CAPN14: variants seen among roughly 807,000 people sequenced by gnomAD.
CAPN14 encodes calpain 14, also known as calpain-14.
CAPN14 carries 94 observed loss-of-function variants against 101.3 expected under a neutral mutation model. The ratio of observed to expected loss-of-function variants is 0.93; its 90% CI spans 0.79 to 1.10. The LOEUF (loss-of-function observed/expected upper bound fraction) is 1.10. Ranked by LOEUF, CAPN14 falls within the 50% of genes least tolerant of loss-of-function variation. The pLI is 0.00. For synonymous variants in CAPN14, 338 were observed against 317.9 expected (o/e 1.06, Z -0.67); for missense variants, 837 against 828.4 (o/e 1.01, Z -0.13).
intron 1 of CAPN14, among the ~76,000 whole-genome samples, chr2:31,231,976 A>G (rs1683207311): frequency 6.6e-6 from 1 of 152,170 alleles, no homozygotes; most frequent in Non-Finnish European, 1.5e-5. Flanking sequence ...TATTAATCTG[A>G]GTGAATTCTC....
Position 31,177,016 on chromosome 2 carries a change from G to T in CAPN14, c.1972+10C>A, listed in dbSNP as rs748750407. 3.2e-6 allele frequency: 5 copies of T among 1,542,302 alleles called. No homozygotes were observed. Among genetic ancestry groups the T allele is most frequent in the Admixed American group, 2.0e-5 (1 of 50,924 alleles). Reference sequence around the variant, plus strand: ...AAGACCTGGCCCTCCCCAGCTTCCCGCCAGCTTACCCTCCATGTTCTCTAC... The same window carrying T: ...AAGACCTGGCCCTCCCCAGCTTCCCTCCAGCTTACCCTCCATGTTCTCTAC... On this transcript the variant is annotated intron_variant, in intron 20 of 21. Transcript: ENST00000403897.
intron 8 of CAPN14, among the ~76,000 whole-genome samples, chr2:31,196,073 G>T (rs1558622641): frequency 6.6e-6 from 1 of 152,222 alleles, no homozygotes; most frequent in Middle Eastern, 3.4e-3. Flanking sequence ...ACATAAAAAG[G>T]GGAGAAATGG....
chr2:31,228,024 G>A (rs547673315), intron 1 of CAPN14, among the ~76,000 whole-genome samples: 48 of 152,322 alleles, frequency 3.2e-4, no homozygotes, highest in African/African-American at 1.1e-3. Context: ...GGAAGACTGA[G>A]GCTGAAGACA....
chr2:31,204,847 A>C (rs1681987915), intron 2 of CAPN14, among the ~76,000 whole-genome samples: 1 of 152,112 alleles, frequency 6.6e-6, no homozygotes, highest in African/African-American at 2.4e-5. Context: ...AAACCCAAGG[A>C]GGGGATCATG....
At chr2:31,208,604 T>C (rs1374175996) in intron 1 of CAPN14, among the ~76,000 whole-genome samples, 1 of 152,200 alleles carries the variant, frequency 6.6e-6, no homozygotes, top group Non-Finnish European at 1.5e-5. Context: ...ATCTTATTTG[T>C]AAATAAGTAT....
chr2:31,222,778 A>C (rs1259170062), intron 2 of CAPN14, among the ~76,000 whole-genome samples: 1 of 152,192 alleles, frequency 6.6e-6, no homozygotes, highest in Non-Finnish European at 1.5e-5. Flanking sequence ...TGGAGTTCAA[A>C]GATGTTACGG....
At chr2:31,220,198 A>G (rs1488152500), upstream of CAPN14, among the ~76,000 whole-genome samples, 1 of 152,136 alleles carries the variant, frequency 6.6e-6, no homozygotes, top group African/African-American at 2.4e-5. Flanking sequence ...ATAAGAAGTA[A>G]AAAAATCCAG....
At chr2:31,192,187 C>T (rs945041896) in intron 10 of CAPN14, 89 bp from the exon 11 acceptor site, 62 of 1,395,000 alleles carry the variant, frequency 4.4e-5, no homozygotes, top group Non-Finnish European at 5.4e-5. Flanking sequence ...AGTCTGAGGA[C>T]GCCTCTGCCA....
chr2:31,174,444 G>C lies in CAPN14; in HGVS notation c.*237C>G. On this transcript the variant is annotated 3_prime_UTR_variant, in exon 22 of 22. Coordinates refer to ENST00000403897, the MANE Select transcript of CAPN14 (RefSeq NM_001145122.2). ...CTTGTGACAAGGTTGTGGCCTCAGG[G>C]AAGGATGGCTAGCTTTTACAAATCT... is the stretch of plus-strand genomic sequence containing the variant. 1.7e-6 allele frequency: 1 copy of C among 593,666 alleles called. No homozygotes were observed. Among genetic ancestry groups the C allele is most frequent in the East Asian group, 2.8e-5 (1 of 35,598 alleles). 36.8% of individuals were successfully genotyped at this position (593,666 alleles called of 1,614,324 possible).
intron 19 of CAPN14, 59 bp downstream of exon 19, chr2:31,177,687 C>T (rs1011032650): frequency 4.0e-6 from 5 of 1,256,388 alleles, no homozygotes; most frequent in African/African-American, 3.0e-5. Context: ...CTCTCCTCTG[C>T]CTGATGAGTG....
At chr2:31,189,244 A>G in intron 13 of CAPN14, 29 bp downstream of exon 13, 1 of 1,544,614 alleles carries the variant, frequency 6.5e-7, no homozygotes, top group Non-Finnish European at 8.8e-7. Flanking sequence ...AGTGGTCCCC[A>G]CCCTCTAGGA....
chr2:31,233,452 C>A (rs1683256663), intron 1 of CAPN14, among the ~76,000 whole-genome samples: 1 of 152,196 alleles, frequency 6.6e-6, no homozygotes, highest in African/African-American at 2.4e-5. Flanking sequence ...AGGAGTGACT[C>A]CTCCCTGTAT....
Position 31,191,374 on chromosome 2 carries a change from C to T in CAPN14, c.1287+25G>A, listed in dbSNP as rs1171033952. On this transcript the variant is annotated intron_variant, in intron 12 of 21. Transcript: ENST00000403897. The stretch of plus-strand genomic sequence containing the variant: ...CATGTGATGTCACCCCAAACTAGGG[C>T]CACCCGGTCAAGTGCAGAACTCACC... 3 of 1,542,006 alleles carry T rather than the reference C, an allele frequency of 1.9e-6. No individual in the cohort carries two copies. The African/African-American group carries it at 4.2e-5, about 21-fold the overall frequency.
At position 31,191,388 on chromosome 2, in the gene CAPN14, G is replaced by T; in HGVS notation, c.1287+11C>A. ...CCAAACTAGGGCCACCCGGTCAAGT[G>T]CAGAACTCACCTTGTTCATCTAAAA... On this transcript the variant is annotated intron_variant, in intron 12 of 21. Coordinates refer to ENST00000403897, the MANE Select transcript of CAPN14 (RefSeq NM_001145122.2). The T allele has an allele frequency of 6.5e-7, 1 of 1,542,390 alleles. No individual in the cohort carries two copies. The highest frequency in any genetic ancestry group is 1.4e-5 in the African/African-American group (1 of 71,514).
chr2:31,214,713 C>A (rs1682554927), intron 1 of CAPN14, among the ~76,000 whole-genome samples: 1 of 152,196 alleles, frequency 6.6e-6, no homozygotes, highest in South Asian at 2.1e-4. Flanking sequence ...AGTCACAAAT[C>A]TTTGCAGAGA....
At chr2:31,203,430 A>G (rs1681897866) in intron 2 of CAPN14, among the ~76,000 whole-genome samples, 1 of 152,110 alleles carries the variant, frequency 6.6e-6, no homozygotes, top group Non-Finnish European at 1.5e-5. Context: ...TAAAAATGGA[A>G]ACACTTTTAT....
intron 11 of CAPN14, 42 bp downstream of exon 11, chr2:31,191,893 C>T: frequency 1.3e-6 from 2 of 1,490,084 alleles, no homozygotes; most frequent in Non-Finnish European, 1.8e-6. Context: ...TGGTGACCCC[C>T]ACGCTTGGTC....
chr2:31,223,991 G>A (rs897344567), intron 2 of CAPN14, among the ~76,000 whole-genome samples: 2 of 152,162 alleles, frequency 1.3e-5, no homozygotes, highest in African/African-American at 4.8e-5. Context: ...CATACAGCCT[G>A]AATCCCATCG....
intron 11 of CAPN14, among the ~76,000 whole-genome samples, 167 bp downstream of exon 11, chr2:31,191,768 G>A (rs983595513): frequency 6.6e-6 from 1 of 152,216 alleles, no homozygotes; most frequent in African/African-American, 2.4e-5. Context: ...GTGCAAGAAG[G>A]TGACTTGTTC....
Sources: gnomAD v4.1 joint callset for allele counts (sites outside exome capture counted in the v4.1 genomes callset) on GRCh38, gnomAD v4.1.1 for gene constraint, MANE v1.5 for transcripts, NCBI Gene and HGNC (gene_info 2026-07-23, HGNC 2026-07-21) for gene names.